ADCY10: variants seen among roughly 807,000 people sequenced by gnomAD.
ADCY10 encodes the protein adenylate cyclase 10.
ADCY10 carries 156 observed loss-of-function variants against 183.3 expected under a neutral mutation model. That is an observed-to-expected ratio of 0.85 (90% confidence interval 0.75 to 0.97). The LOEUF (loss-of-function observed/expected upper bound fraction) is 0.97, where lower values mean the gene tolerates loss of function less well. Ranked by LOEUF, ADCY10 falls within the 50% of genes least tolerant of loss-of-function variation. The pLI is 0.00. For missense variants in ADCY10, 1,745 were observed against 1,934.3 expected (o/e 0.90, Z 1.84); for synonymous variants, 645 against 670.0 (o/e 0.96, Z 0.58).
intron 14 of ADCY10, among the ~76,000 whole-genome samples, chr1:167,864,791 G>A (rs1196032189): frequency 3.3e-5 from 5 of 151,804 alleles, no homozygotes; most frequent in South Asian, 2.1e-4. Context: ...AAACAAGGGC[G>A]TATCCCGAAA....
At chr1:167,819,978 C>G in intron 30 of ADCY10, 1 of 1,442,328 alleles carries the variant, frequency 6.9e-7, no homozygotes, top group Non-Finnish European at 9.8e-7. Context: ...ATTGTTTTGC[C>G]ACTAACAAAG....
intron 1 of ADCY10, among the ~76,000 whole-genome samples, chr1:167,910,383 A>G (rs12742515): frequency 0.025 from 3,735 of 152,382 alleles, 57 homozygotes; most frequent in Middle Eastern, 0.051. Context: ...GAGACTGGAA[A>G]TAAGTCAGAA....
intron 32 of ADCY10, 31 bp downstream of exon 32, chr1:167,810,694 C>T (rs753149735): frequency 1.9e-6 from 3 of 1,610,426 alleles, no homozygotes; most frequent in South Asian, 2.2e-5. Context: ...GTGAGCATCG[C>T]CACCCCGGTT....
chr1:167,822,202 T>C, intron 29 of ADCY10, 61 bp from the exon 30 acceptor site: 2 of 1,104,586 alleles, frequency 1.8e-6, no homozygotes, highest in South Asian at 2.5e-5. Context: ...CTTTCTAGCC[T>C]AGTCACTCTC....
chr1:167,890,472 T>C (rs1668513062), intron 8 of ADCY10, among the ~76,000 whole-genome samples: 1 of 152,152 alleles, frequency 6.6e-6, no homozygotes, highest in East Asian at 1.9e-4. Context: ...AGCACCCTTG[T>C]GGCTACCATC....
chr1:167,851,039 C>G (rs61806973), intron 18 of ADCY10, among the ~76,000 whole-genome samples: 1 of 152,050 alleles, frequency 6.6e-6, no homozygotes, highest in Admixed American at 6.6e-5. Flanking sequence ...CTGTTGTCAG[C>G]CTTTGCCCTA....
intron 18 of ADCY10, among the ~76,000 whole-genome samples, chr1:167,849,907 G>A (rs1392372556): frequency 2.0e-5 from 3 of 152,176 alleles, no homozygotes; most frequent in East Asian, 1.9e-4. Flanking sequence ...GCGGCCCAGC[G>A]TGACTAAAGT....
chr1:167,885,844 G>T (rs1668185980), intron 8 of ADCY10, among the ~76,000 whole-genome samples: 1 of 152,156 alleles, frequency 6.6e-6, no homozygotes, highest in South Asian at 2.1e-4. Context: ...TTGAACTCCT[G>T]ATCTCGTGAC....
At chr1:167,830,992 A>G (rs1379675865) in intron 25 of ADCY10, among the ~76,000 whole-genome samples, 1 of 152,158 alleles carries the variant, frequency 6.6e-6, no homozygotes, top group Non-Finnish European at 1.5e-5. Flanking sequence ...TACTTCTTAC[A>G]TATGTTGATT....
intron 23 of ADCY10, among the ~76,000 whole-genome samples, chr1:167,835,429 T>A (rs1199278632): frequency 1.3e-5 from 2 of 152,266 alleles, no homozygotes; most frequent in Non-Finnish European, 2.9e-5. Flanking sequence ...TCATCATGTG[T>A]ATCAAATCCC....
chr1:167,886,578 C>A (rs939834480), intron 8 of ADCY10, among the ~76,000 whole-genome samples: 1 of 152,072 alleles, frequency 6.6e-6, no homozygotes, highest in Non-Finnish European at 1.5e-5. Flanking sequence ...AATGTTAGAC[C>A]TAAAACCATA....
At chr1:167,837,486 C>T (rs2101924870) in intron 21 of ADCY10, among the ~76,000 whole-genome samples, 168 bp from the exon 22 acceptor site, 1 of 152,340 alleles carries the variant, frequency 6.6e-6, no homozygotes, top group East Asian at 1.9e-4. Context: ...GTGATGAGTT[C>T]TCACAATAGA....
At chr1:167,864,622 A>C (rs2102081742) in intron 14 of ADCY10, among the ~76,000 whole-genome samples, 1 of 152,294 alleles carries the variant, frequency 6.6e-6, no homozygotes, top group African/African-American at 2.4e-5. Flanking sequence ...AGAAAGTCAA[A>C]GAGAGAAAGA....
At chr1:167,894,932 C>T (rs1668855922) in intron 7 of ADCY10, among the ~76,000 whole-genome samples, 1 of 152,090 alleles carries the variant, frequency 6.6e-6, no homozygotes, top group South Asian at 2.1e-4. Flanking sequence ...CACCTGTAAT[C>T]CCAGCACTTT....
chr1:167,824,757 G>A lies in ADCY10; in HGVS notation c.3849C>T (p.Phe1283=), dbSNP rs1362474291. The A allele has an allele frequency of 5.0e-6, 8 of 1,614,236 alleles. No individual in the cohort carries two copies. Among genetic ancestry groups the A allele is most frequent in the Non-Finnish European group, 5.9e-6 (7 of 1,180,034 alleles). ...KYEVMAMEHI[F]NLPLKGEGIE... is the part of the protein sequence containing the mutation. ...TGCCCTCGCCTTTCAGGGGGAGGTTGAAGATGTGCTCCATGGCCATGACTT... is the reference window on the plus strand; with the variant it reads ...TGCCCTCGCCTTTCAGGGGGAGGTTAAAGATGTGCTCCATGGCCATGACTT... The change falls in exon 27 of 33, where the codon TTC becomes TTT. Residue 1283 remains phenylalanine (F), a synonymous_variant. Transcript: ENST00000367851.
chr1:167,810,605 G>T, intron 32 of ADCY10, 120 bp downstream of exon 32: 1 of 897,550 alleles, frequency 1.1e-6, no homozygotes, highest in Non-Finnish European at 1.8e-6. Context: ...GTTCATCAAT[G>T]ACCCAGTCTA....
chr1:167,851,027 G>T (rs1220547471), intron 18 of ADCY10, among the ~76,000 whole-genome samples: 1 of 152,052 alleles, frequency 6.6e-6, no homozygotes, highest in South Asian at 2.1e-4. Context: ...ACTCAGGTTC[G>T]CCTGTTGTCA....
intron 8 of ADCY10, among the ~76,000 whole-genome samples, chr1:167,888,456 GT>G (rs1668374801): frequency 1.3e-5 from 2 of 151,820 alleles, no homozygotes; most frequent in South Asian, 4.2e-4. Flanking sequence ...ACATTTTATA[GT>G]TTTCACGGTA....
intron 26 of ADCY10, among the ~76,000 whole-genome samples, chr1:167,826,308 G>C (rs1457623031): frequency 6.6e-6 from 1 of 152,236 alleles, no homozygotes; most frequent in Non-Finnish European, 1.5e-5. Flanking sequence ...CAAGAGAATG[G>C]AGGTCCAACT....
Sources: gnomAD v4.1 joint callset for allele counts (sites outside exome capture counted in the v4.1 genomes callset) on GRCh38, gnomAD v4.1.1 for gene constraint, MANE v1.5 for transcripts, NCBI Gene and HGNC (gene_info 2026-07-23, HGNC 2026-07-21) for gene names.